The following NBAS variants were observed in gnomAD, a reference collection of about 807,000 sequenced individuals.
NBAS encodes NBAS subunit of NRZ tethering complex.
A neutral mutation model predicts 302.5 loss-of-function variants in NBAS; 219 were observed. That is an observed-to-expected ratio of 0.72 (90% CI 0.65 to 0.81). The LOEUF (loss-of-function observed/expected upper bound fraction) is 0.81, where lower values mean the gene tolerates loss of function less well. NBAS is among the 30% of genes least tolerant of loss of function. NBAS has a pLI of 0.00. For missense variants in NBAS, 2,932 were observed against 2,841.6 expected, an observed-to-expected ratio of 1.03 and a Z score of -0.72; for synonymous variants, 1,118 against 1,021.6, an observed-to-expected ratio of 1.09 and a Z score of -1.80.
the NBAS span, among the ~76,000 whole-genome samples, chr2:14,828,291 C>T: frequency 6.6e-6 from 1 of 152,080 alleles, no homozygotes; most frequent in African/African-American, 2.4e-5. Context: ...ATGGAGGCTA[C>T]TTGGGTTTGG....
intron 12 of NBAS, among the ~76,000 whole-genome samples, chr2:15,486,229 T>C (rs947307867): frequency 3.9e-5 from 6 of 152,206 alleles, no homozygotes; most frequent in Admixed American, 3.3e-4. Context: ...ACTACGTCCA[T>C]GGTTTTCAGT....
the NBAS span, among the ~76,000 whole-genome samples, chr2:14,788,194 T>C: frequency 6.6e-6 from 1 of 152,340 alleles, no homozygotes; most frequent in East Asian, 1.9e-4. Context: ...AGCACTTCTC[T>C]GTATTGGTTA....
intron 44 of NBAS, among the ~76,000 whole-genome samples, chr2:15,247,597 A>G (rs111337315): frequency 0.018 from 2,792 of 152,124 alleles, 76 homozygotes; most frequent in African/African-American, 0.062. Context: ...TTAAACCAAC[A>G]AAGATCAAAA....
intron 38 of NBAS, among the ~76,000 whole-genome samples, chr2:15,325,064 A>G (rs568298021): frequency 6.6e-6 from 1 of 152,330 alleles, no homozygotes; most frequent in East Asian, 1.9e-4. Flanking sequence ...AGTTTGAGAG[A>G]GTCTACTCCA....
At chr2:15,424,889 T>G (rs1468666460) in intron 22 of NBAS, among the ~76,000 whole-genome samples, 1 of 152,172 alleles carries the variant, frequency 6.6e-6, no homozygotes, top group African/African-American at 2.4e-5. Flanking sequence ...AACTTGAATT[T>G]GAATTAAGAA....
chr2:15,544,780 G>A (rs542641169), intron 6 of NBAS, among the ~76,000 whole-genome samples: 1 of 152,186 alleles, frequency 6.6e-6, no homozygotes, highest in African/African-American at 2.4e-5. Context: ...GAGAGGCCAA[G>A]GCGGGTGGAT....
chr2:15,206,857 G>A (rs1666171006), intron 48 of NBAS, among the ~76,000 whole-genome samples: 1 of 152,220 alleles, frequency 6.6e-6, no homozygotes, highest in African/African-American at 2.4e-5. Context: ...AATCCCTGGA[G>A]GTCCAGGAAA....
intron 35 of NBAS, among the ~76,000 whole-genome samples, chr2:15,333,283 T>C (rs1431356617): frequency 6.6e-6 from 1 of 152,068 alleles, no homozygotes; most frequent in Non-Finnish European, 1.5e-5. Flanking sequence ...TAGAGGAATC[T>C]TAAGTGACTC....
the NBAS span, among the ~76,000 whole-genome samples, chr2:15,110,852 A>C: frequency 6.6e-6 from 1 of 152,202 alleles, no homozygotes; most frequent in African/African-American, 2.4e-5. Flanking sequence ...ATTCAGAGAT[A>C]AACAGAAATC....
At chr2:15,033,549 C>G in the NBAS span, among the ~76,000 whole-genome samples, 2 of 152,114 alleles carry the variant, frequency 1.3e-5, no homozygotes, top group African/African-American at 4.8e-5. Flanking sequence ...ATTGTCGTTT[C>G]CCAAAAAAAT....
At chr2:15,509,968 G>A (rs1045820505) in intron 10 of NBAS, among the ~76,000 whole-genome samples, 1 of 152,168 alleles carries the variant, frequency 6.6e-6, no homozygotes, top group African/African-American at 2.4e-5. Context: ...TCCTGCCTCA[G>A]CCTCCTGAGT....
At chr2:14,893,034 T>G in the NBAS span, among the ~76,000 whole-genome samples, 117 of 152,358 alleles carry the variant, frequency 7.7e-4, no homozygotes, top group Middle Eastern at 3.4e-3. Flanking sequence ...GTGAAACCAT[T>G]GCTTCATAAT....
At chr2:14,810,114 G>A in the NBAS span, among the ~76,000 whole-genome samples, 1 of 152,292 alleles carries the variant, frequency 6.6e-6, no homozygotes, top group East Asian at 1.9e-4. Flanking sequence ...GAAGAGATTT[G>A]CCTTGTGTTA....
intron 42 of NBAS, among the ~76,000 whole-genome samples, chr2:15,284,527 C>A (rs1558502338): frequency 6.6e-6 from 1 of 152,046 alleles, no homozygotes; most frequent in Non-Finnish European, 1.5e-5. Context: ...GCAGGTGATA[C>A]CTCCAAAATC....
chr2:15,198,492 G>T (rs1240664451), intron 48 of NBAS, among the ~76,000 whole-genome samples: 1 of 152,166 alleles, frequency 6.6e-6, no homozygotes, highest in Non-Finnish European at 1.5e-5. Context: ...GTAGAGATGA[G>T]GGGAGTCAAC....
chr2:14,916,749 G>GTT, the NBAS span, among the ~76,000 whole-genome samples: 42 of 152,190 alleles, frequency 2.8e-4, 2 homozygotes, highest in Non-Finnish European at 2.9e-5. Flanking sequence ...TGTCTCAGAA[G>GTT]ATGCCTCATG....
chr2:15,291,408 G>C (rs1670299059), intron 41 of NBAS, among the ~76,000 whole-genome samples: 1 of 152,240 alleles, frequency 6.6e-6, no homozygotes, highest in South Asian at 2.1e-4. Flanking sequence ...CCTTGCCCAT[G>C]ATAAGCACTC....
chr2:15,006,840 G>C, the NBAS span, among the ~76,000 whole-genome samples: 21 of 152,350 alleles, frequency 1.4e-4, no homozygotes, highest in South Asian at 4.4e-3. Flanking sequence ...ATACATGCTA[G>C]CTTGTCCCAA....
chr2:15,471,025 T>A (rs1679936168), intron 16 of NBAS, among the ~76,000 whole-genome samples: 1 of 152,154 alleles, frequency 6.6e-6, no homozygotes. Context: ...GCCTGTCCTG[T>A]ACCCCTTCAC....
Sources: gnomAD v4.1 joint callset for allele counts (sites outside exome capture counted in the v4.1 genomes callset) on GRCh38, gnomAD v4.1.1 for gene constraint, MANE v1.5 for transcripts, NCBI Gene and HGNC (gene_info 2026-07-23, HGNC 2026-07-21) for gene names.